IDE: variants seen among roughly 807,000 people sequenced by gnomAD.
IDE encodes the protein insulin degrading enzyme.
A neutral mutation model predicts 133.2 loss-of-function variants in IDE; 58 were observed. The observed-to-expected ratio is 0.44, with a 90% CI of 0.35 to 0.54. The LOEUF is 0.54. IDE is among the 20% of genes least tolerant of loss of function. IDE has a pLI of 0.00. For missense variants in IDE, 981 were observed against 1,234.0 expected (o/e 0.79, Z 3.07); for synonymous variants, 396 against 421.3 (o/e 0.94, Z 0.73).
At chr10:92,573,632 C>T (rs768070364) in intron 1 of IDE, among the ~76,000 whole-genome samples, 12 of 152,292 alleles carry the variant, frequency 7.9e-5, no homozygotes, top group South Asian at 4.1e-4. Context: ...CGCCCCTGCG[C>T]CCCCCGCACT....
chr10:92,488,932 TAAAAA>T (rs56377277), intron 12 of IDE, among the ~76,000 whole-genome samples: 111 of 78,984 alleles, frequency 1.4e-3, no homozygotes, highest in East Asian at 8.3e-3. Context: ...TTTCATTATT[TAAAAA>T]AAAAAAAAAA....
chr10:92,541,299 T>C (rs1024349422), intron 1 of IDE: 3 of 470,706 alleles, frequency 6.4e-6, no homozygotes, highest in Non-Finnish European at 1.3e-5. Context: ...GATTCTCACC[T>C]TCTGGAGAAG....
chr10:92,524,470 A>AATATATTT (rs1849481476), intron 4 of IDE, among the ~76,000 whole-genome samples: 3 of 49,082 alleles, frequency 6.1e-5, no homozygotes, highest in African/African-American at 2.6e-4. Context: ...ATTTTATATA[A>AATATATTT]TATATAATAT....
Position 92,540,249 on chromosome 10 carries a change from GA to G in IDE, c.99-2700del, listed in dbSNP as rs532461078. 1.0e-3 allele frequency among the ~76,000 whole-genome samples: 116 copies of G among 114,872 alleles called. 1 individual carries two copies. Among genetic ancestry groups the G allele is most frequent in the Middle Eastern group, 9.0e-3 (2 of 222 alleles). 75.4% of individuals were successfully genotyped at this position (114,872 alleles called of 152,430 possible). A position where few individuals can be genotyped will look rare whatever the true frequency, so the allele number is the denominator to read the frequency against. On this transcript the variant is annotated intron_variant, in intron 1 of 24. Transcript: ENST00000265986. ...AACAGAGCGAGACTCCGTCTCAAAA[GA>G]AAAAAAAAAAAAACAGTTCTGGTTA... is the stretch of plus-strand genomic sequence containing the variant.
Position 92,531,886 on chromosome 10 carries a change from C to T in IDE, c.523G>A (p.Asp175Asn). Residue 175 changes from aspartate to asparagine, a missense_variant, in exon 4 of 25, where the codon GAT (aspartate) becomes AAT (asparagine). Physicochemically the swap from Asp to Asn is conservative, Grantham distance 23. Around this residue, in one of 2 missense-constraint regions of IDE, gnomAD observed 321 missense variants for 339.3 expected, o/e 0.95. Coordinates refer to ENST00000265986, the MANE Select transcript of IDE (RefSeq NM_004969.4). ...FAQFFLCPLF[D>N]ESCKDREVNA... Reference sequence around the variant, plus strand: ...ACCTCTCTGTCTTTGCAACTTTCATCGAACAAGGGGCACAGAAAAAACTGT... The same window carrying T: ...ACCTCTCTGTCTTTGCAACTTTCATTGAACAAGGGGCACAGAAAAAACTGT... 5 of 1,562,862 alleles carry T rather than the reference C, an allele frequency of 3.2e-6. No individual in the cohort carries two copies. Among genetic ancestry groups the T allele is most frequent in the South Asian group, 1.2e-5 (1 of 82,744 alleles).
chr10:92,467,177 C>T (rs960699299), intron 19 of IDE, among the ~76,000 whole-genome samples: 3 of 151,650 alleles, frequency 2.0e-5, no homozygotes, highest in Admixed American at 6.6e-5. Flanking sequence ...TGGGCTCAAG[C>T]GATCATCCCA....
At chr10:92,573,878 G>A in intron 1 of IDE, 44 bp downstream of exon 1, 1 of 1,342,902 alleles carries the variant, frequency 7.4e-7, no homozygotes, top group African/African-American at 1.6e-5. Context: ...CCAAACCGCT[G>A]TGACCCACGG....
rs546485728 is a variant in IDE, at chr10:92,487,923, A to G, written c.1534-605T>C. On this transcript the variant is annotated intron_variant, in intron 12 of 24. Transcript: ENST00000265986. ...GTGATTCTTGTGCCTCAGCCTCCCA[A>G]GTAGCTGGGACTACAGGTGTGTGCC... 3.9e-5 allele frequency among the ~76,000 whole-genome samples: 6 copies of G among 152,168 alleles called. No individual in the cohort carries two copies. The East Asian group carries it at 1.2e-3, about 29-fold the overall frequency.
At chr10:92,573,799 C>T (rs1843912482) in intron 1 of IDE, 123 bp downstream of exon 1, 4 of 687,188 alleles carry the variant, frequency 5.8e-6, no homozygotes, top group Non-Finnish European at 6.7e-6. Flanking sequence ...CCCAGGCCGG[C>T]GGGACGGGCG....
chr10:92,507,938 G>A (rs1004297541), intron 8 of IDE, among the ~76,000 whole-genome samples, 175 bp downstream of exon 8: 2 of 152,140 alleles, frequency 1.3e-5, no homozygotes, highest in Admixed American at 1.3e-4. Context: ...GTTAAGGGGG[G>A]AAGAATCATC....
chr10:92,454,572 T>C, intron 24 of IDE, 33 bp from the exon 25 acceptor site: 1 of 1,481,392 alleles, frequency 6.8e-7, no homozygotes. Flanking sequence ...TTAGTGTATT[T>C]AACCTAAACA....
At chr10:92,515,574 T>C (rs1048342027) in intron 4 of IDE, among the ~76,000 whole-genome samples, 4 of 148,312 alleles carry the variant, frequency 2.7e-5, no homozygotes, top group Non-Finnish European at 6.0e-5. Flanking sequence ...TTTTTTTTTT[T>C]TTTTGAGACG....
intron 1 of IDE, among the ~76,000 whole-genome samples, chr10:92,565,130 C>G (rs1843471450): frequency 6.6e-6 from 1 of 151,446 alleles, no homozygotes; most frequent in African/African-American, 2.4e-5. Flanking sequence ...GCCTGTAATT[C>G]CAGCTACTCA....
intron 16 of IDE, among the ~76,000 whole-genome samples, chr10:92,475,660 C>A (rs1376422025): frequency 1.3e-5 from 2 of 152,050 alleles, no homozygotes; most frequent in African/African-American, 4.8e-5. Context: ...GCAGTGAGCT[C>A]TTGGCACCCA....
At chr10:92,495,072 T>TC (rs1847602322) in intron 11 of IDE, among the ~76,000 whole-genome samples, 1 of 151,812 alleles carries the variant, frequency 6.6e-6, no homozygotes, top group African/African-American at 2.4e-5. Context: ...AATTTTTCTT[T>TC]TTTTTTTTTG....
At chr10:92,465,324 C>T (rs546921651) in intron 20 of IDE, among the ~76,000 whole-genome samples, 45 of 152,144 alleles carry the variant, frequency 3.0e-4, no homozygotes, top group Non-Finnish European at 4.6e-4. Flanking sequence ...AGAGATAATA[C>T]CTGCCCTCAA....
intron 6 of IDE, among the ~76,000 whole-genome samples, chr10:92,509,503 G>A (rs950062231): frequency 1.3e-5 from 2 of 152,112 alleles, no homozygotes; most frequent in East Asian, 1.9e-4. Context: ...TGAGGCAGAA[G>A]AATTGCTTGA....
intron 13 of IDE, among the ~76,000 whole-genome samples, chr10:92,485,121 CTTTCTT>C (rs1183180352): frequency 9.9e-6 from 1 of 101,430 alleles, no homozygotes; most frequent in Non-Finnish European, 1.9e-5. Flanking sequence ...TTCTTTCTTT[CTTTCTT>C]TTTTTTTTTT....
At chr10:92,467,830 C>T (rs1316197634) in intron 19 of IDE, among the ~76,000 whole-genome samples, 5 of 152,204 alleles carry the variant, frequency 3.3e-5, no homozygotes, top group African/African-American at 1.2e-4. Flanking sequence ...TCATGCACAA[C>T]AGCAGAGCTG....
Sources: gnomAD v4.1 joint callset for allele counts (sites outside exome capture counted in the v4.1 genomes callset) on GRCh38, gnomAD v4.1.1 for gene constraint, gnomAD v4.1.1 regional missense constraint, MANE v1.5 for transcripts, NCBI Gene and HGNC (gene_info 2026-07-23, HGNC 2026-07-21) for gene names.